Variants in HOXA3 observed in about 807,000 individuals in gnomAD.
HOXA3 encodes the protein homeobox protein Hox-A3.
HOXA3 carries 8 observed loss-of-function variants against 30.3 expected under a neutral mutation model. The ratio of observed to expected loss-of-function variants is 0.26; its 90% CI spans 0.15 to 0.48. The LOEUF (loss-of-function observed/expected upper bound fraction) is 0.48, where lower values mean the gene tolerates loss of function less well. Among genes scored for constraint, HOXA3 ranks in the 20% least tolerant of loss-of-function variants. HOXA3 has a pLI of 0.99. For synonymous variants in HOXA3, 323 were observed against 273.1 expected, an observed-to-expected ratio of 1.18 and a Z score of -1.80; for missense variants, 653 against 614.4, an observed-to-expected ratio of 1.06 and a Z score of -0.66.
In HOXA3 at chr7:27,145,450, T is replaced by TGG. The variant is rs70994631; in HGVS notation, c.-493-5265_-493-5264insCC. 1.1e-4 allele frequency: 36 copies of TGG among 333,364 alleles called. 1 individual carries two copies. Among genetic ancestry groups the TGG allele is most frequent in the Admixed American group, 3.8e-4 (4 of 10,552 alleles). The allele number at this position is 333,364 out of a possible 1,614,324, so 20.7% of individuals were successfully genotyped here. A position where few individuals can be genotyped will look rare whatever the true frequency, so the allele number is the denominator to read the frequency against. On this transcript the variant is annotated intron_variant, in intron 1 of 5. Transcript: ENST00000612286. Reference sequence around the variant, plus strand: ...GCTGGTATTGGCTGTGTGTGAGGTTTTGTTTTGTTTTGTTTTGTTTTGTTT... The same window carrying TGG: ...GCTGGTATTGGCTGTGTGTGAGGTTTGGTGTTTTGTTTTGTTTTGTTTTGTTT...
rs1583404324 is a variant in HOXA3, at chr7:27,140,078, C to T, written c.-390+5G>A. On this transcript the variant is annotated splice_donor_5th_base_variant and intron_variant, in intron 2 of 5. Transcript: ENST00000612286. ...AACTTGAAAGCGCTCAGGAGGCGAG[C>T]TTACCTTAACTCGGAGGGAGCCATT... 1 of 150,384 alleles carries T rather than the reference C, an allele frequency of 6.6e-6. No homozygotes were observed. The highest frequency in any genetic ancestry group is 2.5e-5 in the African/African-American group (1 of 40,496). 9.3% of individuals were successfully genotyped at this position (150,384 alleles called of 1,614,324 possible). A position where few individuals can be genotyped will look rare whatever the true frequency, so the allele number is the denominator to read the frequency against.
chr7:27,108,043 C>G lies in HOXA3; in HGVS notation c.1204G>C (p.Gly402Arg). Residue 402 changes from glycine to arginine, a missense_variant, in exon 6 of 6, where the codon GGG becomes CGG. This residue lies in a region of HOXA3 where 330 missense variants were observed against 274.4 expected (regional missense o/e 1.20). Transcript: ENST00000612286. The surrounding 1 kb of genome is among the most constrained non-coding windows in gnomAD (Gnocchi z 5.0). ...TGGTGGTGGCCGCTGCCCAGCGGCC[C>G]GGCACCCCCATAGTCCATGGCGCCC... ...ASGAMDYGGA[G>R]PLGSGHHHGP... 2 of 1,612,962 alleles carry G rather than the reference C, an allele frequency of 1.2e-6. No individual in the cohort carries two copies.
At chr7:27,141,041 C>T (rs1319447558) in intron 1 of HOXA3, 2 of 144,450 alleles carry the variant, frequency 1.4e-5, no homozygotes, top group Non-Finnish European at 3.0e-5. Context: ...TTGGCACAAA[C>T]CAGACCAAGA....
chr7:27,110,663 C>T lies in HOXA3; in HGVS notation c.-23G>A, dbSNP rs377554855. ...CATCGCGTTGTTTCACGATCTTGATCGCACACTCTGACAGGGGTTTGACAC... is the reference window on the plus strand; with the variant it reads ...CATCGCGTTGTTTCACGATCTTGATTGCACACTCTGACAGGGGTTTGACAC... On this transcript the variant is annotated 5_prime_UTR_variant, in exon 5 of 6. Coordinates refer to ENST00000612286, the MANE Select transcript of HOXA3 (RefSeq NM_153631.3). 1.3e-5 allele frequency: 21 copies of T among 1,595,942 alleles called. No homozygotes were observed. The African/African-American group carries it at 2.1e-4, about 16-fold the overall frequency.
At chr7:27,151,359 C>T (rs1377586600) in intron 1 of HOXA3, 2 of 339,684 alleles carry the variant, frequency 5.9e-6, no homozygotes, top group Non-Finnish European at 1.2e-5. Context: ...GCAGCTCCAC[C>T]ATCCTCTCCC....
At chr7:27,128,371 T>C (rs546699071) in intron 2 of HOXA3, 1 of 152,308 alleles carries the variant, frequency 6.6e-6, no homozygotes, top group African/African-American at 2.4e-5. Context: ...ATACACACAC[T>C]CTCACACACA....
At chr7:27,141,526 G>T (rs1583405651) in intron 1 of HOXA3, 4 of 216,412 alleles carry the variant, frequency 1.8e-5, no homozygotes, top group African/African-American at 6.9e-5. Context: ...CTTTTTGTGT[G>T]TTTTTTTTTC....
At chr7:27,130,658 G>A (rs1471480328) in intron 2 of HOXA3, 1 of 1,605,376 alleles carries the variant, frequency 6.2e-7, no homozygotes, top group Admixed American at 1.7e-5. Context: ...GAGCCGCTGT[G>A]CTGCGCGTAC....
chr7:27,110,462 C>T lies in HOXA3; in HGVS notation c.179G>A (p.Gly60Asp), dbSNP rs1357576963. ...ACTCAGTTCGTGTGCCTTGGGGTGGCCCCCGGCGCTGGAGGGAGACTGGAG... is the reference window on the plus strand; with the variant it reads ...ACTCAGTTCGTGTGCCTTGGGGTGGTCCCCGGCGCTGGAGGGAGACTGGAG... ...CSLQSPSSAG[G>D]HPKAHELSEA... Residue 60 changes from glycine to aspartate, a missense_variant, in exon 5 of 6, where the codon GGC (glycine) becomes GAC (aspartate). Transcript: ENST00000612286. 1.3e-6 allele frequency: 2 copies of T among 1,590,398 alleles called. No homozygotes were observed.
Position 27,108,775 on chromosome 7 carries a change from G to T in HOXA3, c.527-55C>A. ...TCAGGGGCTGCCGCGGCCCCGCCCAGCCCCTGACCCAGCCCGGCCCCTCCT... is the reference window on the plus strand; with the variant it reads ...TCAGGGGCTGCCGCGGCCCCGCCCATCCCCTGACCCAGCCCGGCCCCTCCT... On this transcript the variant is annotated intron_variant, in intron 5 of 5. Transcript: ENST00000612286. This position sits in a 1 kb window ranked among gnomAD's most constrained non-coding sequence, Gnocchi z 5.0. 1 of 1,350,920 alleles carries T rather than the reference G, an allele frequency of 7.4e-7. No homozygotes were observed. Among genetic ancestry groups the T allele is most frequent in the Non-Finnish European group, 9.9e-7 (1 of 1,009,206 alleles). 83.7% of individuals were successfully genotyped at this position (1,350,920 alleles called of 1,614,324 possible).
intron 1 of HOXA3, chr7:27,151,648 AG>A (rs1562734953): frequency 2.2e-6 from 1 of 456,584 alleles, no homozygotes; most frequent in Non-Finnish European, 4.4e-6. Context: ...GGCGAAGGGA[AG>A]CCGGCAACGA....
chr7:27,107,626 A>G lies in HOXA3; in HGVS notation c.*289T>C. On this transcript the variant is annotated 3_prime_UTR_variant, in exon 6 of 6. Transcript: ENST00000612286. Reference sequence around the variant, plus strand: ...GTTCATATACCCTGTTTCTGATCAAAGAGTGGAGAAGGTAAAGGGTGCAGG... The same window carrying G: ...GTTCATATACCCTGTTTCTGATCAAGGAGTGGAGAAGGTAAAGGGTGCAGG... 1.8e-5 allele frequency: 6 copies of G among 341,674 alleles called. No homozygotes were observed. The highest frequency in any genetic ancestry group is 3.1e-5 in the Non-Finnish European group (6 of 190,782). The allele number at this position is 341,674 out of a possible 1,614,324, so 21.2% of individuals were successfully genotyped here. A position where few individuals can be genotyped will look rare whatever the true frequency, so the allele number is the denominator to read the frequency against.
intron 2 of HOXA3, among the ~76,000 whole-genome samples, chr7:27,135,376 T>G (rs1785680042): frequency 6.6e-6 from 1 of 152,096 alleles, no homozygotes; most frequent in Non-Finnish European, 1.5e-5. Context: ...TAATAAACAT[T>G]AAAAAAATTT....
chr7:27,124,168 T>C (rs1232355118), intron 3 of HOXA3: 3 of 152,396 alleles, frequency 2.0e-5, no homozygotes, highest in Non-Finnish European at 2.9e-5. Flanking sequence ...CACAGAGAGA[T>C]GCTGCCCAGG....
At position 27,117,085 on chromosome 7, in the gene HOXA3, C is replaced by T. The variant is rs574985495; in HGVS notation, c.-121+5474G>A. ...TTTCCTGCACCTTTCCAGGGAGTTC[C>T]CACCCTTCCCAGGAGTGTGGGGTCC... On this transcript the variant is annotated intron_variant, in intron 4 of 5. Transcript: ENST00000612286. Among the ~76,000 whole-genome samples, 12 of 152,316 alleles carry T rather than the reference C, an allele frequency of 7.9e-5. No individual in the cohort carries two copies. In the South Asian group the frequency reaches 1.9e-3, roughly 24 times the overall value.
At position 27,152,393 on chromosome 7, in the gene HOXA3, T is replaced by C. The variant is rs1783006651; in HGVS notation, c.-599A>G. Reference sequence around the variant, plus strand: ...CCTGGTGCCAGAGGACGCAGGAAATTAGCCAGGTTGCGAGTTGCAAAGCTG... The same window carrying C: ...CCTGGTGCCAGAGGACGCAGGAAATCAGCCAGGTTGCGAGTTGCAAAGCTG... On this transcript the variant is annotated 5_prime_UTR_variant, in exon 1 of 6. An upstream open reading frame in the 5' UTR loses its in-frame stop. Coordinates refer to ENST00000612286, the MANE Select transcript of HOXA3 (RefSeq NM_153631.3). 3.4e-6 allele frequency: 4 copies of C among 1,179,558 alleles called. No individual in the cohort carries two copies. The Admixed American group carries it at 1.5e-4, about 45-fold the overall frequency. 73.1% of individuals were successfully genotyped at this position (1,179,558 alleles called of 1,614,324 possible). A position where few individuals can be genotyped will look rare whatever the true frequency, so the allele number is the denominator to read the frequency against.
Position 27,108,765 on chromosome 7 carries a change from GCCCCGCC to G in HOXA3, c.527-52_527-46del. The G allele has an allele frequency of 7.0e-7, 1 of 1,425,558 alleles. No individual in the cohort carries two copies. The highest frequency in any genetic ancestry group is 9.4e-7 in the Non-Finnish European group (1 of 1,059,800). 88.3% of individuals were successfully genotyped at this position (1,425,558 alleles called of 1,614,324 possible). On this transcript the variant is annotated intron_variant, in intron 5 of 5. Transcript: ENST00000612286. This position sits in a 1 kb window ranked among gnomAD's most constrained non-coding sequence, Gnocchi z 5.0. ...AAGAGCGGCGTCAGGGGCTGCCGCG[GCCCCGCC>G]CAGCCCCTGACCCAGCCCGGCCCCT...
intron 3 of HOXA3, among the ~76,000 whole-genome samples, 156 bp downstream of exon 3, chr7:27,126,730 A>G (rs1785299925): frequency 6.6e-6 from 1 of 152,198 alleles, no homozygotes; most frequent in Non-Finnish European, 1.5e-5. Flanking sequence ...TATCAGAAAA[A>G]TGATCTCAAT....
chr7:27,108,619 ACT>A lies in HOXA3; in HGVS notation c.626_627del (p.Glu209ValfsTer23). Reference sequence around the variant, plus strand: ...CGGCACAGGTAGCGGTTGAAGTGGAACTCTTTCTCCAGCTCCACCAGCTGCGC... The same window carrying A: ...CGGCACAGGTAGCGGTTGAAGTGGAACTTTCTCCAGCTCCACCAGCTGCGC... Reference protein sequence around the residue: ...TSAQLVELEKEFHFNRYLCRP... With the variant: ...TSAQLVELEKXFHFNRYLCRP... On this transcript the variant is annotated frameshift_variant, in exon 6 of 6. Coordinates refer to ENST00000612286, the MANE Select transcript of HOXA3 (RefSeq NM_153631.3). LOFTEE classifies it high-confidence loss of function. This position sits in a 1 kb window ranked among gnomAD's most constrained non-coding sequence, Gnocchi z 5.0. 1 of 1,613,788 alleles carries A rather than the reference ACT, an allele frequency of 6.2e-7. No individual in the cohort carries two copies. Among genetic ancestry groups the A allele is most frequent in the Non-Finnish European group, 8.5e-7 (1 of 1,179,896 alleles).
Sources: gnomAD v4.1 joint callset for allele counts (sites outside exome capture counted in the v4.1 genomes callset) on GRCh38, gnomAD v4.1.1 for gene constraint, gnomAD v4.1.1 regional missense constraint, Gnocchi (gnomAD v3.1) non-coding constraint, MANE v1.5 for transcripts, NCBI Gene and HGNC (gene_info 2026-07-23, HGNC 2026-07-21) for gene names.